Variants in USP25 observed in about 807,000 individuals in gnomAD.
USP25 encodes ubiquitin specific peptidase 25.
A neutral mutation model predicts 158.5 loss-of-function variants in USP25; 85 were observed. That is an observed-to-expected ratio of 0.54 (90% confidence interval 0.45 to 0.64). USP25 has a LOEUF of 0.64. USP25 is among the 30% of genes least tolerant of loss of function. The pLI, the probability that USP25 is intolerant of heterozygous loss-of-function variation, is 0.00. For missense variants in USP25, 1,242 were observed against 1,327.3 expected, an observed-to-expected ratio of 0.94 and a Z score of 1.00; for synonymous variants, 464 against 460.4, an observed-to-expected ratio of 1.01 and a Z score of -0.10.
chr21:15,748,999 T>G (rs553062805), intron 1 of USP25, among the ~76,000 whole-genome samples: 2 of 152,154 alleles, frequency 1.3e-5, no homozygotes, highest in Non-Finnish European at 2.9e-5. Flanking sequence ...GTAACAGATA[T>G]GCTCTCAAGT....
At chr21:15,829,803 C>A (rs977927681) in intron 14 of USP25, among the ~76,000 whole-genome samples, 2 of 152,134 alleles carry the variant, frequency 1.3e-5, no homozygotes, top group Admixed American at 6.5e-5. Context: ...AAGTGTTGGG[C>A]AGGGAGGATC....
chr21:15,772,094 C>T (rs967283851), intron 3 of USP25, among the ~76,000 whole-genome samples: 24 of 152,032 alleles, frequency 1.6e-4, no homozygotes, highest in African/African-American at 5.6e-4. Context: ...ACATAATTCA[C>T]GTTCCTATTT....
intron 1 of USP25, among the ~76,000 whole-genome samples, chr21:15,756,174 G>C (rs2033363713): frequency 6.6e-6 from 1 of 152,160 alleles, no homozygotes; most frequent in Non-Finnish European, 1.5e-5. Context: ...TGCTATAGGA[G>C]TTAATCTTCT....
At chr21:15,864,607 CTG>C (rs2039578355) in intron 21 of USP25, among the ~76,000 whole-genome samples, 161 bp downstream of exon 21, 1 of 151,906 alleles carries the variant, frequency 6.6e-6, no homozygotes, top group Non-Finnish European at 1.5e-5. Flanking sequence ...TTGCTGGAGT[CTG>C]TGGCCTTTTG....
chr21:15,845,631 A>G (rs2038547710), intron 18 of USP25, among the ~76,000 whole-genome samples: 1 of 152,158 alleles, frequency 6.6e-6, no homozygotes, highest in Non-Finnish European at 1.5e-5. Context: ...CTGTTTTGTA[A>G]GGATTAATAT....
At chr21:15,780,339 A>C (rs1302964649) in intron 4 of USP25, among the ~76,000 whole-genome samples, 1 of 152,170 alleles carries the variant, frequency 6.6e-6, no homozygotes, top group Non-Finnish European at 1.5e-5. Context: ...ACGTTTTTAA[A>C]GTATTTCTTT....
intron 9 of USP25, among the ~76,000 whole-genome samples, chr21:15,811,568 C>CT (rs1430477357): frequency 6.6e-6 from 1 of 152,072 alleles, no homozygotes; most frequent in Non-Finnish European, 1.5e-5. Flanking sequence ...TGCTCACTTT[C>CT]TTTTTCATGT....
intron 1 of USP25, among the ~76,000 whole-genome samples, chr21:15,749,023 T>TA (rs982631599): frequency 9.9e-5 from 15 of 151,830 alleles, no homozygotes; most frequent in African/African-American, 2.9e-4. Context: ...TTTTTTTTTT[T>TA]AATTTTTTTT....
chr21:15,815,307 G>C (rs912111609), intron 9 of USP25, among the ~76,000 whole-genome samples: 14 of 152,196 alleles, frequency 9.2e-5, no homozygotes, highest in Non-Finnish European at 1.8e-4. Flanking sequence ...AGGGCAGTAC[G>C]GAAGAGAAAT....
intron 17 of USP25, among the ~76,000 whole-genome samples, chr21:15,835,173 T>C (rs2038003560): frequency 6.6e-6 from 1 of 152,202 alleles, no homozygotes. Flanking sequence ...CTATAAGCAG[T>C]TGTGGTACCT....
intron 5 of USP25, among the ~76,000 whole-genome samples, chr21:15,793,728 T>C (rs1001670169): frequency 6.6e-6 from 1 of 151,578 alleles, no homozygotes; most frequent in South Asian, 2.1e-4. Flanking sequence ...TAGAAAACAC[T>C]AAGCATCAGA....
intron 20 of USP25, among the ~76,000 whole-genome samples, chr21:15,855,188 A>G (rs1472947883): frequency 6.6e-6 from 1 of 152,142 alleles, no homozygotes; most frequent in Admixed American, 6.5e-5. Flanking sequence ...TTTTGTCGGT[A>G]TCAAAGTACC....
Position 15,837,623 on chromosome 21 carries a change from C to T in USP25, c.2194+4075C>T, listed in dbSNP as rs574659771. ...TTATGCTGGAGAGAAGAGCGTTGTC[C>T]GAGTTACTATTTTACTTATATTACT... On this transcript the variant is annotated intron_variant, in intron 17 of 25. Transcript: ENST00000400183. Among the ~76,000 whole-genome samples, 14 of 152,142 alleles carry T rather than the reference C, an allele frequency of 9.2e-5. No individual in the cohort carries two copies. The South Asian group carries it at 1.5e-3, about 16-fold the overall frequency.
chr21:15,781,455 A>G (rs886695765), intron 4 of USP25, among the ~76,000 whole-genome samples: 1 of 152,196 alleles, frequency 6.6e-6, no homozygotes, highest in African/African-American at 2.4e-5. Context: ...CTAAAATTAA[A>G]AAGACTGATG....
At chr21:15,795,756 T>G (rs1259841460) in intron 5 of USP25, among the ~76,000 whole-genome samples, 5 of 151,606 alleles carry the variant, frequency 3.3e-5, no homozygotes, top group African/African-American at 1.2e-4. Context: ...GGCAATTGTC[T>G]GAATGTGCTG....
intron 20 of USP25, among the ~76,000 whole-genome samples, chr21:15,853,529 T>G (rs1285193303): frequency 6.6e-6 from 1 of 152,220 alleles, no homozygotes; most frequent in African/African-American, 2.4e-5. Flanking sequence ...TTCGTTTTCC[T>G]ACTTTATGGA....
intron 17 of USP25, among the ~76,000 whole-genome samples, chr21:15,835,828 T>C (rs1395366426): frequency 6.6e-6 from 1 of 152,202 alleles, no homozygotes; most frequent in African/African-American, 2.4e-5. Context: ...GTCCATAAAT[T>C]TACAGAGTGA....
intron 19 of USP25, among the ~76,000 whole-genome samples, chr21:15,848,396 A>G (rs1427266550): frequency 6.6e-6 from 1 of 152,182 alleles, no homozygotes; most frequent in Admixed American, 6.6e-5. Context: ...TGGAATCCAG[A>G]TGAAAATGAT....
chr21:15,857,368 A>T (rs1385380738), intron 20 of USP25, among the ~76,000 whole-genome samples: 15 of 152,180 alleles, frequency 9.9e-5, no homozygotes, highest in Admixed American at 9.2e-4. Context: ...TGACAAGTCA[A>T]AGTGCTTGCA....
Sources: gnomAD v4.1 joint callset for allele counts (sites outside exome capture counted in the v4.1 genomes callset) on GRCh38, gnomAD v4.1.1 for gene constraint, MANE v1.5 for transcripts, NCBI Gene and HGNC (gene_info 2026-07-23, HGNC 2026-07-21) for gene names.